The following ANTXR2 variants were observed in gnomAD, a reference collection of about 807,000 sequenced individuals.
ANTXR2 encodes anthrax toxin receptor 2.
Under a neutral mutation model 73.7 loss-of-function variants are expected in ANTXR2, and 44 were observed. That is an observed-to-expected ratio of 0.60 (90% CI 0.47 to 0.77). The LOEUF is 0.77. ANTXR2 is among the 30% of genes least tolerant of loss of function. The probability of loss-of-function intolerance (pLI) is 0.00; values close to 1 mark genes in which losing one functional copy is unlikely to be tolerated. For synonymous variants in ANTXR2, 217 were observed against 205.9 expected (o/e 1.05, Z -0.46); for missense variants, 604 against 592.5 (o/e 1.02, Z -0.20).
At chr4:79,982,750 G>C (rs896774234) in intron 14 of ANTXR2, among the ~76,000 whole-genome samples, 3 of 152,160 alleles carry the variant, frequency 2.0e-5, no homozygotes, top group Admixed American at 2.0e-4. Flanking sequence ...ATCTGCCTCA[G>C]AGGATATTTC....
chr4:80,019,236 G>A (rs1380385221), intron 10 of ANTXR2, among the ~76,000 whole-genome samples: 1 of 152,064 alleles, frequency 6.6e-6, no homozygotes, highest in African/African-American at 2.4e-5. Context: ...GTGTGGTGGT[G>A]GGCCCCTGTA....
At chr4:80,063,541 C>T (rs1284929530) in intron 3 of ANTXR2, among the ~76,000 whole-genome samples, 1 of 151,956 alleles carries the variant, frequency 6.6e-6, no homozygotes, top group African/African-American at 2.4e-5. Flanking sequence ...ATGCCTAAGA[C>T]AGTGTCATTG....
At chr4:79,918,908 A>G (rs1727459452) in intron 16 of ANTXR2, among the ~76,000 whole-genome samples, 1 of 152,160 alleles carries the variant, frequency 6.6e-6, no homozygotes, top group Non-Finnish European at 1.5e-5. Context: ...AGGAACAGAA[A>G]GAAAAAAATG....
chr4:79,973,617 C>T (rs554380976), intron 16 of ANTXR2, among the ~76,000 whole-genome samples: 60 of 152,184 alleles, frequency 3.9e-4, no homozygotes, highest in Middle Eastern at 3.4e-3. Flanking sequence ...TTGGTAGAGA[C>T]AGGGTTTCAC....
At chr4:80,020,861 T>A (rs566303072) in intron 10 of ANTXR2, among the ~76,000 whole-genome samples, 7 of 152,314 alleles carry the variant, frequency 4.6e-5, no homozygotes, top group Admixed American at 1.3e-4. Context: ...GCATCTTGTT[T>A]AAAAAGATGG....
At chr4:79,984,776 G>GAAA in intron 13 of ANTXR2, 43 bp downstream of exon 13, 1 of 1,328,786 alleles carries the variant, frequency 7.5e-7, no homozygotes, top group Non-Finnish European at 1.0e-6. Flanking sequence ...TCTGCATTTG[G>GAAA]AAAAAAAAAA....
chr4:79,931,084 CA>C (rs902746630), intron 16 of ANTXR2, among the ~76,000 whole-genome samples: 27 of 152,018 alleles, frequency 1.8e-4, no homozygotes, highest in Non-Finnish European at 4.4e-5. Flanking sequence ...ATACAAAGTC[CA>C]ATTCGAGTGG....
chr4:80,027,400 C>T (rs1311555622), intron 10 of ANTXR2, among the ~76,000 whole-genome samples: 1 of 152,046 alleles, frequency 6.6e-6, no homozygotes, highest in East Asian at 1.9e-4. Context: ...TATTATGAAG[C>T]CAGGCTCTAA....
intron 16 of ANTXR2, among the ~76,000 whole-genome samples, chr4:79,944,092 T>TG (rs1350940000): frequency 1.7e-5 from 2 of 118,644 alleles, no homozygotes; most frequent in African/African-American, 6.5e-5. Context: ...CTAATATCAT[T>TG]GGTAGTGCTG....
intron 11 of ANTXR2, among the ~76,000 whole-genome samples, chr4:80,016,192 G>C (rs1024877309): frequency 3.3e-5 from 5 of 152,066 alleles, no homozygotes; most frequent in Admixed American, 3.3e-4. Flanking sequence ...GGGAATCACA[G>C]CCTGTAGGAT....
At chr4:79,961,836 A>AT (rs1729152925) in intron 16 of ANTXR2, among the ~76,000 whole-genome samples, 2 of 152,086 alleles carry the variant, frequency 1.3e-5, no homozygotes, top group Admixed American at 6.5e-5. Context: ...TACACTAATC[A>AT]TTTTTTGTTT....
At chr4:79,911,740 T>C (rs1234337206) in intron 16 of ANTXR2, among the ~76,000 whole-genome samples, 1 of 151,994 alleles carries the variant, frequency 6.6e-6, no homozygotes, top group African/African-American at 2.4e-5. Flanking sequence ...GTTATTATTA[T>C]GAAGAAAATA....
Position 79,984,859 on chromosome 4 carries a change from A to G in ANTXR2, c.1046T>C (p.Ile349Thr), listed in dbSNP as rs1578130868. 1 of 1,600,748 alleles carries G rather than the reference A, an allele frequency of 6.2e-7. No homozygotes were observed. Among genetic ancestry groups the G allele is most frequent in the Non-Finnish European group, 8.5e-7 (1 of 1,173,296 alleles). ...GGCGGGTGGTGGTGGAGGATCCTTA[A>G]TAACCTGTCAAAAAAAATCAAATAT... ...WFWPLCCKVV[I>T]KDPPPPPAPA... is the part of the protein sequence containing the mutation. The change falls in exon 13 of 17, where the codon ATT (isoleucine) becomes ACT (threonine). Residue 349 changes from isoleucine (I) to threonine (T), a missense_variant. Physicochemically the swap from Ile to Thr is moderately conservative, Grantham distance 89 (BLOSUM62 -1). Transcript: ENST00000403729.
intron 11 of ANTXR2, among the ~76,000 whole-genome samples, chr4:80,015,888 A>T (rs540501583): frequency 2.8e-4 from 21 of 75,368 alleles, no homozygotes; most frequent in South Asian, 1.3e-3. Flanking sequence ...AAGGAAAGGA[A>T]AGGAAAGGAA....
At chr4:79,937,378 C>A (rs991063313) in intron 16 of ANTXR2, among the ~76,000 whole-genome samples, 1 of 152,262 alleles carries the variant, frequency 6.6e-6, no homozygotes, top group South Asian at 2.1e-4. Flanking sequence ...GCTAGTTTGG[C>A]TGGTTTCTGA....
chr4:80,014,883 T>C (rs1731768226), intron 11 of ANTXR2, among the ~76,000 whole-genome samples: 2 of 152,202 alleles, frequency 1.3e-5, no homozygotes, highest in South Asian at 4.1e-4. Flanking sequence ...CAGATACTGG[T>C]GGCCTATAAT....
chr4:79,984,533 T>A (rs1730024549), intron 13 of ANTXR2, among the ~76,000 whole-genome samples: 3 of 152,166 alleles, frequency 2.0e-5, no homozygotes, highest in African/African-American at 7.2e-5. Flanking sequence ...GTCAATAACA[T>A]AAGTGATATC....
chr4:79,977,686 G>A lies in ANTXR2; in HGVS notation c.1363C>T (p.Leu455Phe). The change falls in exon 16 of 17, where the codon CTC becomes TTC. Residue 455 changes from leucine to phenylalanine, a missense_variant. Leu to Phe is a conservative substitution (Grantham distance 22). Coordinates refer to ENST00000403729, the MANE Select transcript of ANTXR2 (RefSeq NM_058172.6). ...YTPIKGRLDA[L>F]WALLRRQYDR... ...TACTGCCGCCTCAACAAAGCCCAGA[G>A]AGCATCAAGACGACCCTAAGGGAAA... 6.3e-7 allele frequency: 1 copy of A among 1,578,428 alleles called. No individual in the cohort carries two copies. The highest frequency in any genetic ancestry group is 8.6e-7 in the Non-Finnish European group (1 of 1,161,282).
chr4:79,914,341 T>C (rs1727263236), intron 16 of ANTXR2, among the ~76,000 whole-genome samples: 1 of 152,320 alleles, frequency 6.6e-6, no homozygotes, highest in Admixed American at 6.5e-5. Flanking sequence ...TTTTCTGTTA[T>C]AACCATATCT....
Sources: gnomAD v4.1 joint callset for allele counts (sites outside exome capture counted in the v4.1 genomes callset) on GRCh38, gnomAD v4.1.1 for gene constraint, MANE v1.5 for transcripts, NCBI Gene and HGNC (gene_info 2026-07-23, HGNC 2026-07-21) for gene names.